C7orf78: variants seen among roughly 807,000 people sequenced by gnomAD.
C7orf78 encodes the protein putative uncharacterized protein C7orf78.
chr7:12,497,979 C>CA, the C7orf78 span, among the ~76,000 whole-genome samples: 2 of 151,928 alleles, frequency 1.3e-5, no homozygotes, highest in African/African-American at 2.4e-5. Context: ...GGCACACTGA[C>CA]ACCTCACACT....
At chr7:12,520,705 C>A in the C7orf78 span, among the ~76,000 whole-genome samples, 1 of 152,166 alleles carries the variant, frequency 6.6e-6, no homozygotes, top group Non-Finnish European at 1.5e-5. Context: ...TTGTTAGTTA[C>A]TGGGTGGAAT....
At chr7:12,501,317 T>C in the C7orf78 span, among the ~76,000 whole-genome samples, 1 of 147,142 alleles carries the variant, frequency 6.8e-6, no homozygotes, top group African/African-American at 2.5e-5. Flanking sequence ...GACATGATTG[T>C]ATATCTAGAA....
At chr7:12,529,262 T>C in the C7orf78 span, among the ~76,000 whole-genome samples, 2 of 152,232 alleles carry the variant, frequency 1.3e-5, no homozygotes, top group Non-Finnish European at 2.9e-5. Context: ...GATAAAAGAA[T>C]AAGTGTATTC....
At chr7:12,517,176 C>T in the C7orf78 span, among the ~76,000 whole-genome samples, 1 of 151,928 alleles carries the variant, frequency 6.6e-6, no homozygotes, top group Non-Finnish European at 1.5e-5. Context: ...GTGCAGTTTC[C>T]CCGATACTGT....
At chr7:12,488,023 A>G in the C7orf78 span, among the ~76,000 whole-genome samples, 1 of 152,094 alleles carries the variant, frequency 6.6e-6, no homozygotes, top group African/African-American at 2.4e-5. Context: ...CAAAGAAAAT[A>G]CAAGAAACCC....
At chr7:12,529,118 GT>G in the C7orf78 span, 4 of 397,482 alleles carry the variant, frequency 1.0e-5, no homozygotes, top group African/African-American at 6.2e-5. Flanking sequence ...TAGTGCAGGA[GT>G]TTTTTATTTG....
the C7orf78 span, among the ~76,000 whole-genome samples, chr7:12,492,976 G>T: frequency 6.6e-6 from 1 of 152,204 alleles, no homozygotes; most frequent in Admixed American, 6.5e-5. Flanking sequence ...GCCGAGGTGG[G>T]TGGATAACTT....
chr7:12,484,822 A>G, the C7orf78 span, among the ~76,000 whole-genome samples: 1 of 150,788 alleles, frequency 6.6e-6, no homozygotes, highest in South Asian at 2.1e-4. Context: ...TGCTTCTTTT[A>G]TGTTACTTGG....
the C7orf78 span, among the ~76,000 whole-genome samples, chr7:12,514,307 T>G: frequency 6.6e-6 from 1 of 152,160 alleles, no homozygotes; most frequent in African/African-American, 2.4e-5. Context: ...ATAACAATAT[T>G]CTTTATCTTT....
At chr7:12,498,681 T>C in the C7orf78 span, among the ~76,000 whole-genome samples, 1 of 151,874 alleles carries the variant, frequency 6.6e-6, no homozygotes, top group African/African-American at 2.4e-5. Context: ...TCCAGGAGAA[T>C]TTCCCCAATC....
the C7orf78 span, among the ~76,000 whole-genome samples, chr7:12,525,667 A>G: frequency 2.0e-5 from 3 of 152,248 alleles, no homozygotes; most frequent in Admixed American, 1.3e-4. Context: ...ATTTTCATAA[A>G]CAAGTTTTAA....
the C7orf78 span, among the ~76,000 whole-genome samples, chr7:12,495,921 C>CA: frequency 3.3e-5 from 5 of 150,364 alleles, no homozygotes; most frequent in African/African-American, 9.7e-5. Flanking sequence ...CTGAGAAACT[C>CA]AAAAAAAATT....
At chr7:12,484,752 T>A in the C7orf78 span, among the ~76,000 whole-genome samples, 1 of 152,196 alleles carries the variant, frequency 6.6e-6, no homozygotes, top group African/African-American at 2.4e-5. Context: ...GTACTTTTAT[T>A]AGTACAGCAT....
the C7orf78 span, among the ~76,000 whole-genome samples, chr7:12,521,644 C>CTTT: frequency 0.081 from 10,118 of 124,472 alleles, 672 homozygotes; most frequent in East Asian, 0.21. Flanking sequence ...TGGGTTTGGG[C>CTTT]TTTTTTTTTT....
At chr7:12,500,176 A>G in the C7orf78 span, among the ~76,000 whole-genome samples, 2 of 150,078 alleles carry the variant, frequency 1.3e-5, no homozygotes, top group African/African-American at 4.9e-5. Context: ...AAGAACTAGA[A>G]AAGCAAGAGC....
the C7orf78 span, among the ~76,000 whole-genome samples, chr7:12,498,880 G>A: frequency 6.6e-6 from 1 of 151,536 alleles, no homozygotes; most frequent in African/African-American, 2.4e-5. Context: ...ACTAACAGAG[G>A]ATCTCTCGGC....
the C7orf78 span, among the ~76,000 whole-genome samples, chr7:12,508,107 C>G: frequency 5.3e-5 from 8 of 152,150 alleles, no homozygotes; most frequent in African/African-American, 1.9e-4. Context: ...AACCAACTGA[C>G]ATGAACTGAC....
the C7orf78 span, among the ~76,000 whole-genome samples, chr7:12,520,083 A>T: frequency 6.6e-6 from 1 of 152,218 alleles, no homozygotes; most frequent in Non-Finnish European, 1.5e-5. Flanking sequence ...GTGAGGATGT[A>T]AGCCAATGAG....
the C7orf78 span, chr7:12,507,400 CA>C: frequency 5.6e-6 from 1 of 179,040 alleles, no homozygotes; most frequent in African/African-American, 2.4e-5. Context: ...AGCAGACAGC[CA>C]TGAGGCCAGC....
Sources: allele counts gnomAD v4.1 joint callset (sites outside exome capture counted in the v4.1 genomes callset), GRCh38; gene constraint gnomAD v4.1.1; transcripts MANE v1.5; gene names NCBI Gene and HGNC (gene_info 2026-07-23, HGNC 2026-07-21).